Variants in GLOD4 observed in about 807,000 individuals in gnomAD.
GLOD4 encodes the protein glyoxalase domain-containing protein 4.
Under a neutral mutation model 39.1 loss-of-function variants are expected in GLOD4, and 44 were observed. The observed-to-expected ratio is 1.13, with a 90% CI of 0.88 to 1.45. The LOEUF is 1.45. Ranked by LOEUF, GLOD4 falls within the 40% of genes most tolerant of loss-of-function variation. The pLI is 0.00. For missense variants in GLOD4, 405 were observed against 366.4 expected (o/e 1.11, Z -0.86); for synonymous variants, 145 against 135.0 (o/e 1.07, Z -0.52).
chr17:759,689 T>G lies in GLOD4; in HGVS notation c.*484A>C, dbSNP rs1905152456. ...AACCTTTTGGTCCAAGGAATAAAAT[T>G]TCTTTAAAAAATTTAAAACGTCAAA... On this transcript the variant is annotated 3_prime_UTR_variant, in exon 9 of 9. Coordinates refer to ENST00000301329, the MANE Select transcript of GLOD4 (RefSeq NM_016080.4). 1 of 152,764 alleles carries G rather than the reference T, an allele frequency of 6.5e-6. No homozygotes were observed. The allele number at this position is 152,764 out of a possible 1,614,324, so 9.5% of individuals were successfully genotyped here. A position where few individuals can be genotyped will look rare whatever the true frequency, so the allele number is the denominator to read the frequency against.
chr17:765,980 C>T (rs1403287654), intron 8 of GLOD4, among the ~76,000 whole-genome samples: 1 of 150,948 alleles, frequency 6.6e-6, no homozygotes, highest in African/African-American at 2.4e-5. Flanking sequence ...ATGGCAGGAT[C>T]GCTAACAGCA....
upstream of GLOD4, chr17:782,602 C>G: frequency 6.2e-7 from 1 of 1,614,036 alleles, no homozygotes; most frequent in South Asian, 1.1e-5. Context: ...GAGAAACAAC[C>G]GCTCGAGGAG....
intron 8 of GLOD4, among the ~76,000 whole-genome samples, chr17:767,807 T>G (rs577025142): frequency 2.2e-5 from 3 of 135,372 alleles, no homozygotes; most frequent in South Asian, 4.8e-4. Context: ...CGCACTCAGA[T>G]TTTTAGAAGA....
At chr17:772,421 C>T (rs1908137597) in intron 4 of GLOD4, among the ~76,000 whole-genome samples, 2 of 150,626 alleles carry the variant, frequency 1.3e-5, no homozygotes, top group Non-Finnish European at 2.9e-5. Context: ...TTCTTTAAAC[C>T]TGACACCAAA....
chr17:764,071 T>C (rs1174129263), intron 8 of GLOD4: 1 of 152,202 alleles, frequency 6.6e-6, no homozygotes, highest in Non-Finnish European at 1.5e-5. Context: ...TATTAAAGAA[T>C]GGACAAAAGA....
chr17:779,116 A>G (rs2144464407), intron 1 of GLOD4, among the ~76,000 whole-genome samples: 1 of 152,116 alleles, frequency 6.6e-6, no homozygotes, highest in South Asian at 2.1e-4. Context: ...GGAGTTCAAG[A>G]TCAACCTGGC....
intron 8 of GLOD4, among the ~76,000 whole-genome samples, chr17:768,327 G>A (rs1907124231): frequency 6.7e-6 from 1 of 149,442 alleles, no homozygotes; most frequent in Non-Finnish European, 1.5e-5. Context: ...AATCTGAAGA[G>A]GACGTGAGAG....
At chr17:780,566 C>T (rs1213288381) in intron 1 of GLOD4, 1 of 152,090 alleles carries the variant, frequency 6.6e-6, no homozygotes, top group Non-Finnish European at 1.5e-5. Context: ...CGGTGAAACC[C>T]CGTCTCTACT....
At chr17:762,021 T>C (rs1905539491) in intron 8 of GLOD4, among the ~76,000 whole-genome samples, 1 of 152,170 alleles carries the variant, frequency 6.6e-6, no homozygotes, top group African/African-American at 2.4e-5. Context: ...GAGTTTGAAA[T>C]TTATCTCAGA....
At chr17:782,130 C>A in intron 1 of GLOD4, 36 bp downstream of exon 1, 1 of 1,510,600 alleles carries the variant, frequency 6.6e-7, no homozygotes, top group South Asian at 1.2e-5. Context: ...CCGGTTCCAG[C>A]CTCGCGCGCC....
chr17:770,366 A>G (rs1174698714), intron 6 of GLOD4, 55 bp downstream of exon 6: 6 of 914,378 alleles, frequency 6.6e-6, no homozygotes. Flanking sequence ...CAAAGTTCTT[A>G]GCTGGGTTGA....
upstream of GLOD4, chr17:783,504 T>C (rs1311570420): frequency 1.8e-6 from 1 of 559,260 alleles, no homozygotes; most frequent in Non-Finnish European, 2.9e-6. Flanking sequence ...GCCCGGGTGA[T>C]TTTTGTATTT....
intron 8 of GLOD4, chr17:763,879 A>ATG (rs1905989820): frequency 1.3e-5 from 2 of 152,230 alleles, no homozygotes; most frequent in African/African-American, 4.8e-5. Flanking sequence ...GGACTTCACC[A>ATG]AAATAAAAAA....
At chr17:770,349 G>T in intron 6 of GLOD4, 72 bp downstream of exon 6, 1 of 847,600 alleles carries the variant, frequency 1.2e-6, no homozygotes, top group Non-Finnish European at 2.1e-6. Flanking sequence ...CCTCAAGAAG[G>T]GAAGGACAAA....
chr17:782,523 G>A, upstream of GLOD4: 2 of 1,613,678 alleles, frequency 1.2e-6, no homozygotes, highest in Admixed American at 1.7e-5. Context: ...AGAGGTGGTG[G>A]AACAGAAGCG....
chr17:771,622 C>T (rs1907957710), intron 4 of GLOD4, among the ~76,000 whole-genome samples, 161 bp from the exon 5 acceptor site: 1 of 152,206 alleles, frequency 6.6e-6, no homozygotes, highest in Non-Finnish European at 1.5e-5. Flanking sequence ...AATGCCAGCA[C>T]TTTGGGAGAC....
intron 3 of GLOD4, 27 bp downstream of exon 3, chr17:776,841 A>T (rs1333806760): frequency 6.3e-7 from 1 of 1,598,050 alleles, no homozygotes; most frequent in African/African-American, 1.3e-5. Context: ...CCCAGCCAAA[A>T]CTCTGCTAGA....
chr17:776,984 A>G lies in GLOD4; in HGVS notation c.145T>C (p.Tyr49His). ...ATTGTTTTACTCCATTTCCCATCAT[A>G]AGGCCTAGAAAATAAAAGTAAATGA... ...EGCKAACNGP[Y>H]DGKWSKTMVG... is the part of the protein sequence containing the mutation. Residue 49 changes from tyrosine to histidine, a missense_variant, in exon 3 of 9, where the codon TAT (tyrosine) becomes CAT (histidine). Transcript: ENST00000301329. 1.2e-6 allele frequency: 2 copies of G among 1,603,142 alleles called. No individual in the cohort carries two copies. The highest frequency in any genetic ancestry group is 1.7e-6 in the Non-Finnish European group (2 of 1,170,024).
chr17:773,387 C>T (rs115512082), intron 4 of GLOD4, among the ~76,000 whole-genome samples: 115 of 152,150 alleles, frequency 7.6e-4, no homozygotes, highest in African/African-American at 2.8e-3. Context: ...TGTAATAATA[C>T]GATGGAACTC....
Sources: allele counts gnomAD v4.1 joint callset (sites outside exome capture counted in the v4.1 genomes callset), GRCh38; gene constraint gnomAD v4.1.1; transcripts MANE v1.5; gene names NCBI Gene and HGNC (gene_info 2026-07-23, HGNC 2026-07-21).